The following SCAND1 variants were observed in gnomAD, a reference collection of about 807,000 sequenced individuals.
SCAND1 encodes the protein SCAN domain-containing protein 1.
A neutral mutation model predicts 3.4 loss-of-function variants in SCAND1; 3 were observed. The observed-to-expected ratio is 0.87, with a 90% CI of 0.40 to 2.25. SCAND1 has a LOEUF of 2.25. Among genes scored for constraint, SCAND1 ranks in the 30% most tolerant of loss-of-function variants. The pLI is 0.05. For synonymous variants in SCAND1, 152 were observed against 120.5 expected (o/e 1.26, Z -1.72); for missense variants, 303 against 258.8 (o/e 1.17, Z -1.17).
upstream of SCAND1, among the ~76,000 whole-genome samples, chr20:35,955,588 TA>T (rs1423923236): frequency 1.3e-5 from 2 of 152,154 alleles, no homozygotes; most frequent in Non-Finnish European, 2.9e-5. Flanking sequence ...TTGTTTTTAT[TA>T]GGTAAACTGC....
Position 35,954,028 on chromosome 20 carries a change from T to C in SCAND1, c.257A>G (p.Gln86Arg), listed in dbSNP as rs2056210546. 6.5e-7 allele frequency: 1 copy of C among 1,544,286 alleles called. No individual in the cohort carries two copies. The highest frequency in any genetic ancestry group is 2.5e-5 in the East Asian group (1 of 40,748). The change falls in exon 2 of 2, where the codon CAG becomes CGG. Residue 86 changes from glutamine to arginine, a missense_variant. Coordinates refer to ENST00000305978, the MANE Select transcript of SCAND1 (RefSeq NM_033630.3). ...LGPAPVSVAP[Q>R]AEAEARSTPG... The stretch of plus-strand genomic sequence containing the variant: ...TGTGGAGCGCGCTTCAGCTTCGGCC[T>C]GAGGCGCTACGCTCACGGGTGCGGG...
rs1022400861 is a variant in SCAND1 at position 35,953,916 on chromosome 20, C to T, written c.369G>A (p.Arg123=). 2 of 1,550,426 alleles carry T rather than the reference C, an allele frequency of 1.3e-6. No homozygotes were observed. The highest frequency in any genetic ancestry group is 1.7e-6 in the Non-Finnish European group (2 of 1,149,830). ...GCTCCCGCAGCTGCCGGAAAGCCTCCCGGGGACCCGCCGCATCCTGGTAGC... is the reference window on the plus strand; with the variant it reads ...GCTCCCGCAGCTGCCGGAAAGCCTCTCGGGGACCCGCCGCATCCTGGTAGC... The part of the protein sequence containing the change: ...QFRYQDAAGP[R]EAFRQLRELS... Residue 123 remains arginine, a synonymous_variant, in exon 2 of 2, where the codon CGG becomes CGA. Transcript: ENST00000305978.
Position 35,954,127 on chromosome 20 carries a change from G to A in SCAND1, c.158C>T (p.Pro53Leu). The stretch of plus-strand genomic sequence containing the variant: ...GATGGCTTCAGGGACCGCGGCGTTG[G>A]GACTGGAAGGCTCAGGGGCAGGCGG... Reference protein sequence around the residue: ...ASPPAPEPSSPNAAVPEAIPT... With the variant: ...ASPPAPEPSSLNAAVPEAIPT... The change falls in exon 2 of 2, where the codon CCC (proline) becomes CTC (leucine). Residue 53 changes from proline to leucine, a missense_variant. Transcript: ENST00000305978. 1.3e-6 allele frequency: 2 copies of A among 1,559,538 alleles called. No homozygotes were observed. The highest frequency in any genetic ancestry group is 1.7e-6 in the Non-Finnish European group (2 of 1,151,566).
At chr20:35,954,395 G>A (rs113606286) in intron 1 of SCAND1, 53 bp downstream of exon 1, 88 of 1,561,490 alleles carry the variant, frequency 5.6e-5, no homozygotes, top group Non-Finnish European at 7.2e-5. Context: ...CAGAGCTCGC[G>A]TCACCCTTGA....
Position 35,954,315 on chromosome 20 carries a change from G to C in SCAND1, c.-31C>G. The C allele has an allele frequency of 6.2e-7, 1 of 1,612,782 alleles. No homozygotes were observed. Among genetic ancestry groups the C allele is most frequent in the Non-Finnish European group, 8.5e-7 (1 of 1,179,606 alleles). On this transcript the variant is annotated 5_prime_UTR_variant, in exon 2 of 2. Coordinates refer to ENST00000305978, the MANE Select transcript of SCAND1 (RefSeq NM_033630.3). The stretch of plus-strand genomic sequence containing the variant: ...CAGCTCCGGGCGTCACTCTTTGTCC[G>C]GTAGCTGTGTGCTCAGCACTGCGTC...
rs769228919 is a variant in SCAND1, at chr20:35,954,412, C to T, written c.-56+36G>A. On this transcript the variant is annotated intron_variant, in intron 1 of 1. Coordinates refer to ENST00000305978, the MANE Select transcript of SCAND1 (RefSeq NM_033630.3). ...GAGCTCGCGTCACCCTTGAGGGAGT[C>T]GGACTCGGGACCGGCCGAGAGTGTG... The T allele has an allele frequency of 1.1e-5, 17 of 1,553,584 alleles. No individual in the cohort carries two copies. In the African/African-American group the frequency reaches 2.2e-4, roughly 20 times the overall value.
chr20:35,954,656 C>T, upstream of SCAND1: 1 of 1,261,340 alleles, frequency 7.9e-7, no homozygotes, highest in Middle Eastern at 2.4e-4. Context: ...GGTGGCGCCT[C>T]TGAGCGCCAG....
Position 35,954,078 on chromosome 20 carries a change from G to T in SCAND1, c.207C>A (p.Ser69=). The T allele has an allele frequency of 6.5e-7, 1 of 1,536,592 alleles. No homozygotes were observed. The highest frequency in any genetic ancestry group is 8.8e-7 in the Non-Finnish European group (1 of 1,138,314). ...EAIPTPRAAA[S]AALELPLGPA... ...GCCCGAGAGGCAGCTCCAGGGCCGC[G>T]GAGGCCGCAGCTCGGGGCGTAGGGA... The change falls in exon 2 of 2, where the codon TCC becomes TCA. Residue 69 remains serine, a synonymous_variant. Coordinates refer to ENST00000305978, the MANE Select transcript of SCAND1 (RefSeq NM_033630.3).
In SCAND1 at chr20:35,954,206, A is replaced by G; in HGVS notation, c.79T>C (p.Ser27Pro). The change falls in exon 2 of 2, where the codon TCG (serine) becomes CCG (proline). Residue 27 changes from serine to proline, a missense_variant. Ser to Pro is a moderately conservative substitution (Grantham distance 74). Coordinates refer to ENST00000305978, the MANE Select transcript of SCAND1 (RefSeq NM_033630.3). ...CAGTTACGCTCAGGGGCTGAGCTCG[A>G]ACCGGCTCCTTCCAGTTTCTCCGGT... ...VPPEKLEGAG[S>P]SSAPERNCVG... 6.2e-7 allele frequency: 1 copy of G among 1,612,486 alleles called. No homozygotes were observed. Among genetic ancestry groups the G allele is most frequent in the Non-Finnish European group, 8.5e-7 (1 of 1,179,908 alleles).
upstream of SCAND1, among the ~76,000 whole-genome samples, chr20:35,955,791 G>A (rs1264949112): frequency 6.6e-6 from 1 of 151,930 alleles, no homozygotes; most frequent in Non-Finnish European, 1.5e-5. Flanking sequence ...TTTTTGTTTT[G>A]AGACTGAGTC....
upstream of SCAND1, among the ~76,000 whole-genome samples, chr20:35,959,223 C>T (rs1203718602): frequency 6.6e-5 from 10 of 152,074 alleles, 1 homozygote; most frequent in South Asian, 1.0e-3. Context: ...ATATATACTT[C>T]GTCATTTTTT....
chr20:35,953,625 GCGCTGCCAAAA>G lies in SCAND1; in HGVS notation c.*109_*119del, dbSNP rs2056202467. On this transcript the variant is annotated 3_prime_UTR_variant, in exon 2 of 2. Coordinates refer to ENST00000305978, the MANE Select transcript of SCAND1 (RefSeq NM_033630.3). ...ATGAAAGAGACACACCAGACCACAG[GCGCTGCCAAAA>G]CTCATTTTTCATTAACACGGGGTGG... 1.1e-5 allele frequency: 6 copies of G among 567,002 alleles called. No homozygotes were observed. The highest frequency in any genetic ancestry group is 1.4e-5 in the Non-Finnish European group (5 of 348,484). 35.1% of individuals were successfully genotyped at this position (567,002 alleles called of 1,614,324 possible). A position where few individuals can be genotyped will look rare whatever the true frequency, so the allele number is the denominator to read the frequency against.
rs779533961 is a variant in SCAND1 at position 35,953,924 on chromosome 20, C to T, written c.361G>A (p.Gly121Ser). The T allele has an allele frequency of 1.3e-6, 2 of 1,576,718 alleles. No homozygotes were observed. The highest frequency in any genetic ancestry group is 1.1e-5 in the South Asian group (1 of 87,304). ...AGCTGCCGGAAAGCCTCCCGGGGAC[C>T]CGCCGCATCCTGGTAGCGGAACTGC... ...FRQFRYQDAA[G>S]PREAFRQLRE... The change falls in exon 2 of 2, where the codon GGT becomes AGT. Residue 121 changes from glycine (G) to serine (S), a missense_variant. Transcript: ENST00000305978.
At chr20:35,954,626 G>T (rs1170640150), upstream of SCAND1, 2 of 1,330,300 alleles carry the variant, frequency 1.5e-6, no homozygotes, top group Non-Finnish European at 2.0e-6. Context: ...AGCTGCGCGT[G>T]GCCTGGGCTC....
upstream of SCAND1, chr20:35,959,280 T>G (rs1429855195): frequency 1.3e-5 from 2 of 151,850 alleles, no homozygotes; most frequent in Non-Finnish European, 2.9e-5. Context: ...AATATGTAAG[T>G]TCTAGTATGT....
intron 1 of SCAND1, 33 bp downstream of exon 1, chr20:35,954,415 A>G (rs772723312): frequency 1.9e-6 from 3 of 1,552,446 alleles, no homozygotes; most frequent in Non-Finnish European, 2.6e-6. Context: ...AGGGAGTCGG[A>G]CTCGGGACCG....
chr20:35,954,646 G>A (rs185544487), upstream of SCAND1: 183 of 1,286,014 alleles, frequency 1.4e-4, no homozygotes, highest in Admixed American at 1.2e-3. Context: ...CCTTCCGAAT[G>A]GTGGCGCCTC....
At chr20:35,956,216 G>C (rs2056255378), upstream of SCAND1, among the ~76,000 whole-genome samples, 5 of 152,194 alleles carry the variant, frequency 3.3e-5, no homozygotes, top group South Asian at 1.0e-3. Context: ...GTTTCCTTTG[G>C]ATGGGTAGAA....
chr20:35,958,442 ATAAG>A (rs895403381), upstream of SCAND1, among the ~76,000 whole-genome samples: 1 of 152,230 alleles, frequency 6.6e-6, no homozygotes, highest in African/African-American at 2.4e-5. Flanking sequence ...AAAAAAATAA[ATAAG>A]TTTTTTATTT....
Sources: allele counts gnomAD v4.1 joint callset (sites outside exome capture counted in the v4.1 genomes callset), GRCh38; gene constraint gnomAD v4.1.1; transcripts MANE v1.5; gene names NCBI Gene and HGNC (gene_info 2026-07-23, HGNC 2026-07-21).